BCAR3: variants seen among roughly 807,000 people sequenced by gnomAD.
The protein encoded by BCAR3 is BCAR3 adaptor protein, NSP family member, also known as breast cancer anti-estrogen resistance protein 3.
A neutral mutation model predicts 80.1 loss-of-function variants in BCAR3; 37 were observed. That is an observed-to-expected ratio of 0.46 (90% CI 0.36 to 0.61). BCAR3 has a LOEUF of 0.61. Among genes scored for constraint, BCAR3 ranks in the 20% least tolerant of loss-of-function variants. The pLI, the probability that BCAR3 is intolerant of heterozygous loss-of-function variation, is 0.00. For missense variants in BCAR3, 978 were observed against 1,068.2 expected (o/e 0.92, Z 1.18); for synonymous variants, 389 against 418.9 (o/e 0.93, Z 0.87).
At chr1:93,816,653 A>G (rs1654026477) in intron 2 of BCAR3, among the ~76,000 whole-genome samples, 1 of 141,836 alleles carries the variant, frequency 7.1e-6, no homozygotes, top group Non-Finnish European at 1.5e-5. Context: ...CCTCGGCGAC[A>G]GAGCTAGACT....
chr1:93,768,313 G>T (rs1243778371), intron 2 of BCAR3, among the ~76,000 whole-genome samples: 2 of 151,980 alleles, frequency 1.3e-5, no homozygotes, highest in East Asian at 1.9e-4. Context: ...CAAAAAGCAG[G>T]TATATAAATA....
At chr1:93,642,011 G>C (rs1456758693) in intron 3 of BCAR3, among the ~76,000 whole-genome samples, 1 of 152,094 alleles carries the variant, frequency 6.6e-6, no homozygotes, top group African/African-American at 2.4e-5. Context: ...AAACCTCTCT[G>C]GGAGTATTAC....
intron 3 of BCAR3, among the ~76,000 whole-genome samples, chr1:93,642,043 C>A (rs950282814): frequency 1.3e-5 from 2 of 152,148 alleles, no homozygotes; most frequent in Non-Finnish European, 2.9e-5. Context: ...TATTACCTTT[C>A]TGGAAAACAA....
chr1:93,575,982 G>A (rs1417445962), intron 8 of BCAR3, 32 bp downstream of exon 8: 4 of 1,579,864 alleles, frequency 2.5e-6, no homozygotes, highest in East Asian at 2.2e-5. Flanking sequence ...GGAGCTGGGA[G>A]GGTCGGAAGT....
At chr1:93,567,995 T>C in intron 9 of BCAR3, 144 bp from the exon 10 acceptor site, 2 of 592,282 alleles carry the variant, frequency 3.4e-6, no homozygotes, top group Admixed American at 5.4e-5. Context: ...AAGACCAGTC[T>C]GGCCAGTATG....
At chr1:93,634,791 C>T (rs1345360047) in intron 3 of BCAR3, among the ~76,000 whole-genome samples, 1 of 152,108 alleles carries the variant, frequency 6.6e-6, no homozygotes, top group East Asian at 1.9e-4. Context: ...GTGCCTTTCA[C>T]CTTCCACCAT....
chr1:93,729,374 T>C (rs1650705412), intron 2 of BCAR3, among the ~76,000 whole-genome samples: 2 of 152,288 alleles, frequency 1.3e-5, no homozygotes, highest in Middle Eastern at 6.8e-3. Flanking sequence ...ATGTAGTTTA[T>C]TAAATACTGT....
intron 3 of BCAR3, among the ~76,000 whole-genome samples, chr1:93,687,340 C>G (rs1044806291): frequency 1.3e-5 from 2 of 152,090 alleles, no homozygotes; most frequent in Non-Finnish European, 2.9e-5. Flanking sequence ...TGGAGTCTCG[C>G]TCTGTCACCC....
At chr1:93,719,021 G>A (rs1300147918) in intron 2 of BCAR3, among the ~76,000 whole-genome samples, 1 of 152,028 alleles carries the variant, frequency 6.6e-6, no homozygotes, top group Non-Finnish European at 1.5e-5. Context: ...TCAAAAAGAT[G>A]TCAATGGATT....
rs772621684 is a variant in BCAR3 at position 93,674,890 on chromosome 1, G to A, written c.41C>T (p.Pro14Leu). 10 of 1,569,746 alleles carry A rather than the reference G, an allele frequency of 6.4e-6. No homozygotes were observed. Among genetic ancestry groups the A allele is most frequent in the African/African-American group, 2.8e-5 (2 of 71,964 alleles). The change falls in exon 2 of 12, where the codon CCG becomes CTG. Residue 14 changes from proline (P) to leucine (L), a missense_variant. Coordinates refer to ENST00000260502, the MANE Select transcript of BCAR3 (RefSeq NM_003567.4). ...GKFASLPRNM[P>L]VNHQFPLASS... ...GGCCAGGGGGAACTGGTGATTCACC[G>A]GCATGTTTCTGGGAAGGCTTGCAAA...
chr1:93,636,891 G>A (rs902009230), intron 3 of BCAR3, among the ~76,000 whole-genome samples: 11 of 152,152 alleles, frequency 7.2e-5, no homozygotes, highest in African/African-American at 2.7e-4. Context: ...GAGGCCAAGA[G>A]TTCGAGGCAA....
chr1:93,610,088 C>T (rs1355466439), intron 3 of BCAR3, among the ~76,000 whole-genome samples: 1 of 152,250 alleles, frequency 6.6e-6, no homozygotes, highest in Admixed American at 6.5e-5. Context: ...CAACAACTCC[C>T]ACTGGGTCCC....
At chr1:93,578,826 A>G (rs966382738) in intron 7 of BCAR3, among the ~76,000 whole-genome samples, 2 of 152,192 alleles carry the variant, frequency 1.3e-5, no homozygotes, top group Admixed American at 6.5e-5. Context: ...TAACACGGAT[A>G]AACACTTAGT....
intron 2 of BCAR3, among the ~76,000 whole-genome samples, chr1:93,751,054 C>T (rs894207442): frequency 1.3e-5 from 2 of 152,164 alleles, no homozygotes; most frequent in African/African-American, 4.8e-5. Flanking sequence ...CAAGAAACAC[C>T]ACCAAACGCC....
chr1:93,595,453 GC>G (rs1210619924), intron 3 of BCAR3, among the ~76,000 whole-genome samples: 10 of 152,236 alleles, frequency 6.6e-5, no homozygotes, highest in Middle Eastern at 3.2e-3. Context: ...GCTGCTGGGA[GC>G]CTCTGCCTTA....
chr1:93,616,940 G>A (rs1675146616), intron 3 of BCAR3, among the ~76,000 whole-genome samples: 1 of 152,234 alleles, frequency 6.6e-6, no homozygotes, highest in Non-Finnish European at 1.5e-5. Context: ...CCATGGCTGG[G>A]AAGCCAGGTG....
intron 2 of BCAR3, among the ~76,000 whole-genome samples, chr1:93,666,638 G>A (rs752136219): frequency 2.6e-5 from 4 of 152,140 alleles, no homozygotes; most frequent in Non-Finnish European, 4.4e-5. Flanking sequence ...AATACGCATC[G>A]AAGAATAAAC....
intron 2 of BCAR3, among the ~76,000 whole-genome samples, chr1:93,736,714 G>A (rs1227436630): frequency 6.6e-6 from 1 of 152,182 alleles, no homozygotes; most frequent in African/African-American, 2.4e-5. Flanking sequence ...TGATGGCCTC[G>A]TCACTGGATT....
At chr1:93,734,572 C>G (rs550571969) in intron 2 of BCAR3, among the ~76,000 whole-genome samples, 50 of 152,106 alleles carry the variant, frequency 3.3e-4, no homozygotes, top group Non-Finnish European at 5.9e-4. Context: ...TACCTGGGAA[C>G]AGGTGGCAGC....
Sources: gnomAD v4.1 joint callset for allele counts (sites outside exome capture counted in the v4.1 genomes callset) on GRCh38, gnomAD v4.1.1 for gene constraint, MANE v1.5 for transcripts, NCBI Gene and HGNC (gene_info 2026-07-23, HGNC 2026-07-21) for gene names.